The following SMIM35 variants were observed in gnomAD, a reference collection of about 807,000 sequenced individuals.
SMIM35 encodes TMPRSS4 antisense RNA 1 (non-protein coding).
chr11:118,023,500 C>T lies in SMIM35; in HGVS notation c.8-7691G>A, dbSNP rs900864374. Among the ~76,000 whole-genome samples the T allele has an allele frequency of 4.3e-5, 6 of 140,860 alleles. No homozygotes were observed. In the East Asian group the frequency reaches 1.3e-3, roughly 30 times the overall value. 92.4% of individuals were successfully genotyped at this position (140,860 alleles called of 152,430 possible). On this transcript the variant is annotated intron_variant, in intron 1 of 4. Transcript: ENST00000689828. ...GGTATATCTCCTAATGCTATCCCTC[C>T]ACCCTCCCCCCACCCCACAACAGTC...
rs188311671 is a variant in SMIM35 at position 118,083,873 on chromosome 11, T to C, written c.7+2878A>G. ...TTCAAGACCAGCCTGGCCAACATGG[T>C]GAAAGTACAAAAAATTAGCTGGGCG... On this transcript the variant is annotated intron_variant, in intron 1 of 4. Transcript: ENST00000689828. Among the ~76,000 whole-genome samples, 29 of 151,958 alleles carry C rather than the reference T, an allele frequency of 1.9e-4. 1 individual carries two copies. In the East Asian group the frequency reaches 4.8e-3, roughly 25 times the overall value.
intron 1 of SMIM35, among the ~76,000 whole-genome samples, chr11:118,062,769 G>C (rs952210507): frequency 2.6e-5 from 4 of 152,062 alleles, no homozygotes; most frequent in Non-Finnish European, 5.9e-5. Flanking sequence ...TTCTGTCAGA[G>C]GCATGTGAAT....
intron 1 of SMIM35, among the ~76,000 whole-genome samples, chr11:118,017,813 C>G (rs1196371191): frequency 6.6e-6 from 1 of 152,182 alleles, no homozygotes; most frequent in African/African-American, 2.4e-5. Context: ...TCCTTCTTCA[C>G]ATGACGGCAG....
At chr11:118,033,405 C>T (rs2058334064) in intron 1 of SMIM35, among the ~76,000 whole-genome samples, 1 of 152,192 alleles carries the variant, frequency 6.6e-6, no homozygotes, top group African/African-American at 2.4e-5. Flanking sequence ...AAGCATCAGA[C>T]TTAGAGGCTT....
At chr11:118,031,654 T>G (rs2135058015) in intron 1 of SMIM35, among the ~76,000 whole-genome samples, 1 of 152,164 alleles carries the variant, frequency 6.6e-6, no homozygotes. Flanking sequence ...AATTAAAAGT[T>G]TACTGCACAA....
chr11:118,061,637 G>T (rs1944397230), intron 1 of SMIM35, among the ~76,000 whole-genome samples: 1 of 152,120 alleles, frequency 6.6e-6, no homozygotes, highest in African/African-American at 2.4e-5. Context: ...CTCCACAGAG[G>T]CAACCTCTGT....
chr11:118,015,751 G>T lies in SMIM35; in HGVS notation c.66C>A (p.Leu22=), dbSNP rs1204148027. 7 of 399,490 alleles carry T rather than the reference G, an allele frequency of 1.8e-5. No individual in the cohort carries two copies. Among genetic ancestry groups the T allele is most frequent in the African/African-American group, 1.4e-4 (7 of 48,638 alleles). 24.7% of individuals were successfully genotyped at this position (399,490 alleles called of 1,614,324 possible). Residue 22 remains leucine, a synonymous_variant, in exon 2 of 5, where the codon CTC becomes CTA. Coordinates refer to ENST00000689828, the MANE Select transcript of SMIM35 (RefSeq NM_001394165.1). ...CCAGGCTGTAGCCGAGGATGGACAC[G>T]AGCAGCAGCAAGAGCCCCACGCCAA... ...LILGVGLLLL[L]VSILGYSLAK...
intron 1 of SMIM35, among the ~76,000 whole-genome samples, chr11:118,085,223 CT>C: frequency 8.5e-6 from 1 of 118,114 alleles, no homozygotes; most frequent in Admixed American, 9.6e-5. Context: ...AGATCTTCTT[CT>C]TCTTTTTTTT....
chr11:118,030,915 C>A (rs1386270516), intron 1 of SMIM35, among the ~76,000 whole-genome samples: 2 of 151,886 alleles, frequency 1.3e-5, no homozygotes, highest in Non-Finnish European at 2.9e-5. Flanking sequence ...GATGGTGCAG[C>A]CCAGCATGAA....
intron 1 of SMIM35, among the ~76,000 whole-genome samples, chr11:118,078,569 G>A (rs144788575): frequency 1.2e-3 from 189 of 152,300 alleles, no homozygotes; most frequent in African/African-American, 4.3e-3. Flanking sequence ...CCAAGGAGGC[G>A]CCCCAAAGTT....
chr11:118,054,454 C>CT (rs1330639923), intron 1 of SMIM35, among the ~76,000 whole-genome samples: 1 of 152,186 alleles, frequency 6.6e-6, no homozygotes, highest in Non-Finnish European at 1.5e-5. Flanking sequence ...TGATCAAACT[C>CT]ATCCAGAGAC....
chr11:118,040,343 C>T (rs1235121866), intron 1 of SMIM35, among the ~76,000 whole-genome samples: 3 of 152,228 alleles, frequency 2.0e-5, no homozygotes, highest in African/African-American at 7.2e-5. Flanking sequence ...AAGGAGAATA[C>T]CTTGAAGGCA....
At chr11:118,081,871 C>T (rs1283257350) in intron 1 of SMIM35, among the ~76,000 whole-genome samples, 2 of 152,228 alleles carry the variant, frequency 1.3e-5, no homozygotes, top group East Asian at 3.8e-4. Context: ...GTTTTGTGCA[C>T]TCCATAGATG....
At chr11:118,083,419 A>G (rs997337422) in intron 1 of SMIM35, among the ~76,000 whole-genome samples, 3 of 152,148 alleles carry the variant, frequency 2.0e-5, no homozygotes, top group Admixed American at 2.0e-4. Flanking sequence ...CTGTCCCCAG[A>G]TGCGCTTAGT....
At chr11:118,052,339 G>A (rs1224662984) in intron 1 of SMIM35, among the ~76,000 whole-genome samples, 2 of 152,130 alleles carry the variant, frequency 1.3e-5, no homozygotes, top group East Asian at 1.9e-4. Flanking sequence ...TGGGTGGTTT[G>A]CTGCAAGCGG....
intron 1 of SMIM35, among the ~76,000 whole-genome samples, chr11:118,074,901 G>A (rs114786135): frequency 6.6e-5 from 10 of 152,070 alleles, no homozygotes; most frequent in African/African-American, 2.4e-4. Flanking sequence ...GCCCAGTCCT[G>A]CTTATGTGCC....
chr11:118,056,854 G>A (rs1328048242), intron 1 of SMIM35, among the ~76,000 whole-genome samples: 1 of 152,180 alleles, frequency 6.6e-6, no homozygotes, highest in Non-Finnish European at 1.5e-5. Context: ...GTCATCAGTG[G>A]CCTCTGCAAA....
chr11:118,045,536 A>C (rs1052953536), intron 1 of SMIM35, among the ~76,000 whole-genome samples: 2 of 152,110 alleles, frequency 1.3e-5, no homozygotes, highest in Non-Finnish European at 2.9e-5. Context: ...AACCATATAA[A>C]ATTGTCATTT....
At chr11:118,017,444 A>G (rs2058192030) in intron 1 of SMIM35, among the ~76,000 whole-genome samples, 1 of 152,212 alleles carries the variant, frequency 6.6e-6, no homozygotes, top group Non-Finnish European at 1.5e-5. Context: ...TCCACAAGAG[A>G]GACAGGGAAG....
Sources: gnomAD v4.1 joint callset for allele counts (sites outside exome capture counted in the v4.1 genomes callset) on GRCh38, gnomAD v4.1.1 for gene constraint, MANE v1.5 for transcripts, NCBI Gene and HGNC (gene_info 2026-07-23, HGNC 2026-07-21) for gene names.